Variants in HS6ST3 observed in about 807,000 individuals in gnomAD.
HS6ST3 encodes the protein heparan sulfate 6-O-sulfotransferase 3, also known as heparan-sulfate 6-O-sulfotransferase 3.
In HS6ST3, 12 loss-of-function variants were observed where a neutral mutation model predicts 36.7. That is an observed-to-expected ratio of 0.33 (90% CI 0.21 to 0.53). The LOEUF is 0.53. Ranked by LOEUF, HS6ST3 falls within the 20% of genes least tolerant of loss-of-function variation. HS6ST3 has a pLI of 0.95. For synonymous variants in HS6ST3, 240 were observed against 257.5 expected (o/e 0.93, Z 0.65); for missense variants, 584 against 640.9 (o/e 0.91, Z 0.96).
At chr13:96,714,998 A>G (rs1374813820) in intron 1 of HS6ST3, among the ~76,000 whole-genome samples, 1 of 152,122 alleles carries the variant, frequency 6.6e-6, no homozygotes, top group Non-Finnish European at 1.5e-5. Context: ...GTAAGTGACC[A>G]CACCTGGCCC....
At chr13:96,152,175 C>T (rs1275790268) in intron 1 of HS6ST3, among the ~76,000 whole-genome samples, 1 of 152,144 alleles carries the variant, frequency 6.6e-6, no homozygotes, top group Non-Finnish European at 1.5e-5. Flanking sequence ...TTCCTTTTCC[C>T]CTGTATCCAT....
At chr13:96,504,824 A>G (rs998176237) in intron 1 of HS6ST3, among the ~76,000 whole-genome samples, 1 of 152,208 alleles carries the variant, frequency 6.6e-6, no homozygotes, top group African/African-American at 2.4e-5. Context: ...TTATAAAAAT[A>G]TATAAAATGT....
intron 1 of HS6ST3, among the ~76,000 whole-genome samples, chr13:96,700,717 C>T (rs529694380): frequency 6.6e-6 from 1 of 152,176 alleles, no homozygotes; most frequent in African/African-American, 2.4e-5. Flanking sequence ...AAAAATTATC[C>T]ACTGTAAGGA....
intron 1 of HS6ST3, among the ~76,000 whole-genome samples, chr13:96,532,448 A>G (rs2056139442): frequency 6.6e-6 from 1 of 152,198 alleles, no homozygotes; most frequent in Admixed American, 6.5e-5. Context: ...TGGGGGTTTT[A>G]TCGGGAAAAG....
chr13:96,819,351 T>C (rs1471796158), intron 1 of HS6ST3, among the ~76,000 whole-genome samples: 1 of 152,172 alleles, frequency 6.6e-6, no homozygotes, highest in Non-Finnish European at 1.5e-5. Context: ...AGTGTATTAT[T>C]TAAGAATGAT....
intron 1 of HS6ST3, among the ~76,000 whole-genome samples, chr13:96,304,711 C>CTTTCTTTCTTTCTTTCTTTCTTTCTT (rs766397124): frequency 3.2e-4 from 29 of 89,326 alleles, no homozygotes; most frequent in African/African-American, 1.3e-3. Context: ...TTCTTTCTTT[C>CTTTCTTTCTTTCTTTCTTTCTTTCTT]TTTTTTTTTT....
intron 1 of HS6ST3, among the ~76,000 whole-genome samples, chr13:96,415,589 G>A (rs2055529026): frequency 6.6e-6 from 1 of 152,210 alleles, no homozygotes; most frequent in South Asian, 2.1e-4. Flanking sequence ...AGCTTGCATA[G>A]CTGTCTAGAT....
At chr13:96,366,865 G>C (rs1397408360) in intron 1 of HS6ST3, among the ~76,000 whole-genome samples, 1 of 152,148 alleles carries the variant, frequency 6.6e-6, no homozygotes, top group African/African-American at 2.4e-5. Flanking sequence ...TGTTCTCATG[G>C]TAGTGAATAA....
chr13:96,338,439 C>T (rs2055112943), intron 1 of HS6ST3, among the ~76,000 whole-genome samples: 1 of 152,166 alleles, frequency 6.6e-6, no homozygotes, highest in Admixed American at 6.5e-5. Flanking sequence ...AGCTCAGAAT[C>T]CTTCTTTCTT....
chr13:96,663,459 A>G (rs2056653421), intron 1 of HS6ST3, among the ~76,000 whole-genome samples: 1 of 152,230 alleles, frequency 6.6e-6, no homozygotes, highest in Non-Finnish European at 1.5e-5. Flanking sequence ...AGGTGCCATT[A>G]TATATCCATA....
At chr13:96,722,725 C>A (rs538930179) in intron 1 of HS6ST3, among the ~76,000 whole-genome samples, 1 of 152,012 alleles carries the variant, frequency 6.6e-6, no homozygotes, top group Non-Finnish European at 1.5e-5. Context: ...ACCTGTAATC[C>A]CAGAACTTTG....
chr13:96,402,404 G>A (rs1328054), intron 1 of HS6ST3, among the ~76,000 whole-genome samples: 20,525 of 152,128 alleles, frequency 0.13, 1,514 homozygotes, highest in Middle Eastern at 0.25. Flanking sequence ...CTTTAGAATG[G>A]TTAATAATAT....
chr13:96,724,133 C>T (rs989920736), intron 1 of HS6ST3, among the ~76,000 whole-genome samples: 4 of 152,086 alleles, frequency 2.6e-5, no homozygotes, highest in African/African-American at 9.7e-5. Context: ...GAGATTAAAG[C>T]CAATAAAAAG....
intron 1 of HS6ST3, among the ~76,000 whole-genome samples, chr13:96,137,552 G>T (rs1566891121): frequency 6.6e-6 from 1 of 151,592 alleles, no homozygotes; most frequent in Non-Finnish European, 1.5e-5. Context: ...TCCTGCCTCA[G>T]CTTCCCGAGT....
At chr13:96,192,802 A>T (rs76953378) in intron 1 of HS6ST3, among the ~76,000 whole-genome samples, 1,757 of 152,240 alleles carry the variant, frequency 0.012, 34 homozygotes, top group African/African-American at 0.041. Context: ...TCAAATATGA[A>T]AATTTTTAAA....
At chr13:96,616,587 ACT>A (rs2056475167) in intron 1 of HS6ST3, among the ~76,000 whole-genome samples, 1 of 152,154 alleles carries the variant, frequency 6.6e-6, no homozygotes, top group Non-Finnish European at 1.5e-5. Flanking sequence ...CATAGAAATT[ACT>A]CTGTTTTACA....
At chr13:96,608,757 C>T (rs559026868) in intron 1 of HS6ST3, among the ~76,000 whole-genome samples, 5 of 151,970 alleles carry the variant, frequency 3.3e-5, no homozygotes, top group Admixed American at 1.3e-4. Flanking sequence ...TTTTAAAACA[C>T]AATTAAAGTT....
At chr13:96,271,451 A>G (rs999407033) in intron 1 of HS6ST3, among the ~76,000 whole-genome samples, 1 of 151,956 alleles carries the variant, frequency 6.6e-6, no homozygotes, top group Admixed American at 6.6e-5. Context: ...ATCACTGACA[A>G]TCACACAGTT....
intron 1 of HS6ST3, among the ~76,000 whole-genome samples, chr13:96,762,555 C>T (rs1876996709): frequency 6.6e-6 from 1 of 152,138 alleles, no homozygotes; most frequent in African/African-American, 2.4e-5. Flanking sequence ...ACTGCATCTC[C>T]TCAGCAGTGG....
Sources: allele counts gnomAD v4.1 joint callset (sites outside exome capture counted in the v4.1 genomes callset), GRCh38; gene constraint gnomAD v4.1.1; transcripts MANE v1.5; gene names NCBI Gene and HGNC (gene_info 2026-07-23, HGNC 2026-07-21).